LYN: variants seen among roughly 807,000 people sequenced by gnomAD.
LYN encodes LYN proto-oncogene, Src family tyrosine kinase.
Under a neutral mutation model 65.0 loss-of-function variants are expected in LYN, and 12 were observed. The observed-to-expected ratio is 0.18, with a 90% CI of 0.12 to 0.30. LYN has a LOEUF of 0.30. Ranked by LOEUF, LYN falls within the 10% of genes least tolerant of loss-of-function variation. The probability of loss-of-function intolerance (pLI) is 1.00; values close to 1 mark genes in which losing one functional copy is unlikely to be tolerated. For synonymous variants in LYN, 222 were observed against 221.2 expected (o/e 1.00, Z -0.03); for missense variants, 380 against 623.2 (o/e 0.61, Z 4.16).
chr8:56,008,857 T>C (rs1237779548), intron 12 of LYN, among the ~76,000 whole-genome samples: 2 of 152,342 alleles, frequency 1.3e-5, no homozygotes, highest in East Asian at 3.9e-4. Context: ...CACTTGAGAC[T>C]ATGATTGGGG....
At chr8:55,933,548 A>G (rs561303788) in intron 1 of LYN, among the ~76,000 whole-genome samples, 30 of 152,348 alleles carry the variant, frequency 2.0e-4, no homozygotes, top group Middle Eastern at 3.4e-3. Flanking sequence ...GTCAAGTTAA[A>G]GATTGTATCA....
chr8:55,923,288 A>G (rs868723509), intron 1 of LYN, among the ~76,000 whole-genome samples: 1 of 152,160 alleles, frequency 6.6e-6, no homozygotes, highest in Admixed American at 6.5e-5. Context: ...AATGTGAGAG[A>G]TAAAGCAGGT....
At chr8:55,975,023 G>T (rs148218082) in intron 10 of LYN, among the ~76,000 whole-genome samples, 23 of 152,062 alleles carry the variant, frequency 1.5e-4, no homozygotes, top group African/African-American at 5.6e-4. Flanking sequence ...ATTCCCAATC[G>T]CTCTTTCAAG....
In LYN at chr8:56,007,829, C is replaced by T. The variant is rs1016170979; in HGVS notation, c.1337-2079C>T. ...CTGTTATAATTCATTTTAAAAAATA[C>T]TGGTAATTGGCTGGATGCAGTGGCT... On this transcript the variant is annotated intron_variant, in intron 12 of 12. Coordinates refer to ENST00000519728, the MANE Select transcript of LYN (RefSeq NM_002350.4). 2.0e-5 allele frequency among the ~76,000 whole-genome samples: 3 copies of T among 152,152 alleles called. No homozygotes were observed. The South Asian group carries it at 6.2e-4, about 32-fold the overall frequency.
chr8:55,906,026 T>G (rs1805408539), intron 1 of LYN, among the ~76,000 whole-genome samples: 1 of 152,228 alleles, frequency 6.6e-6, no homozygotes, highest in South Asian at 2.1e-4. Context: ...GTGTTGTTGC[T>G]TTTCTTTCTT....
At position 55,999,618 on chromosome 8, in the gene LYN, T is replaced by C; in HGVS notation, c.1336+69T>C. 3.5e-6 allele frequency: 5 copies of C among 1,424,496 alleles called. No homozygotes were observed. The South Asian group carries it at 5.8e-5, about 17-fold the overall frequency. 88.2% of individuals were successfully genotyped at this position (1,424,496 alleles called of 1,614,324 possible). A position where few individuals can be genotyped will look rare whatever the true frequency, so the allele number is the denominator to read the frequency against. ...AAAAAGTCAGGTTGCATGAAGGCAT[T>C]AAAAAGTAATAATTACTTCATCTAC... On this transcript the variant is annotated intron_variant, in intron 12 of 12. Coordinates refer to ENST00000519728, the MANE Select transcript of LYN (RefSeq NM_002350.4).
intron 1 of LYN, among the ~76,000 whole-genome samples, chr8:55,911,602 AT>A (rs541036389): frequency 2.1e-3 from 318 of 151,998 alleles, no homozygotes; most frequent in African/African-American, 7.0e-3. Context: ...TTGGGGAAGT[AT>A]TTATACATAT....
chr8:56,007,409 A>G (rs1808702130), intron 12 of LYN, among the ~76,000 whole-genome samples: 1 of 152,246 alleles, frequency 6.6e-6, no homozygotes, highest in South Asian at 2.1e-4. Context: ...GCTTTAAGCA[A>G]TGAAAATCAA....
intron 1 of LYN, among the ~76,000 whole-genome samples, chr8:55,889,046 C>T (rs1402856617): frequency 6.6e-6 from 1 of 152,110 alleles, no homozygotes; most frequent in Non-Finnish European, 1.5e-5. Context: ...GAGATGGGGT[C>T]TCACTCTGTC....
intron 10 of LYN, among the ~76,000 whole-genome samples, chr8:55,983,044 C>T (rs773754577): frequency 6.6e-6 from 1 of 152,020 alleles, no homozygotes; most frequent in African/African-American, 2.4e-5. Flanking sequence ...TATGGAAGTC[C>T]GACCCTTCAC....
intron 1 of LYN, among the ~76,000 whole-genome samples, chr8:55,941,213 T>G (rs995723256): frequency 2.6e-5 from 4 of 152,114 alleles, no homozygotes; most frequent in African/African-American, 4.8e-5. Flanking sequence ...ATTGGATGTG[T>G]CATTTGTCTT....
chr8:55,946,314 G>GCTC (rs1185890182), intron 2 of LYN, 134 bp from the exon 3 acceptor site: 1 of 703,198 alleles, frequency 1.4e-6, no homozygotes, highest in Non-Finnish European at 2.6e-6. Context: ...TTCCCTCTGT[G>GCTC]CTCCTGTTCT....
chr8:55,892,777 A>G (rs564020089), intron 1 of LYN, among the ~76,000 whole-genome samples: 21 of 152,334 alleles, frequency 1.4e-4, no homozygotes, highest in African/African-American at 4.3e-4. Flanking sequence ...AGTTTTCCCA[A>G]TGCAGGAGTG....
At chr8:55,967,616 T>C (rs1270515321) in intron 9 of LYN, among the ~76,000 whole-genome samples, 3 of 152,180 alleles carry the variant, frequency 2.0e-5, no homozygotes, top group African/African-American at 4.8e-5. Context: ...AGCCTCTATT[T>C]GTTCTTTAGC....
At chr8:55,896,708 A>G (rs777243458) in intron 1 of LYN, among the ~76,000 whole-genome samples, 1 of 152,162 alleles carries the variant, frequency 6.6e-6, no homozygotes, top group Non-Finnish European at 1.5e-5. Flanking sequence ...TAATTTAGTA[A>G]GAGAGGCATT....
At chr8:55,937,604 A>G (rs1227100465) in intron 1 of LYN, among the ~76,000 whole-genome samples, 2 of 152,228 alleles carry the variant, frequency 1.3e-5, no homozygotes, top group Non-Finnish European at 2.9e-5. Context: ...GCAAGATTGC[A>G]TCTTTGTTGA....
chr8:56,009,743 T>C (rs1286763822), intron 12 of LYN, among the ~76,000 whole-genome samples, 165 bp from the exon 13 acceptor site: 2 of 152,164 alleles, frequency 1.3e-5, no homozygotes, highest in Non-Finnish European at 2.9e-5. Context: ...GACTTCAACC[T>C]AGGAATTTTG....
At chr8:55,936,986 C>T (rs1198570183) in intron 1 of LYN, among the ~76,000 whole-genome samples, 1 of 152,150 alleles carries the variant, frequency 6.6e-6, no homozygotes, top group Non-Finnish European at 1.5e-5. Context: ...CCCCCCACGT[C>T]TTTTGTCTCT....
At position 56,014,020 on chromosome 8, in the gene LYN, TTATCTC is replaced by T. The variant is rs1409342534; in HGVS notation, c.*3913_*3918del. 1 of 152,202 alleles carries T rather than the reference TTATCTC, an allele frequency of 6.6e-6. No individual in the cohort carries two copies. Among genetic ancestry groups the T allele is most frequent in the Non-Finnish European group, 1.5e-5 (1 of 68,042 alleles). The allele number at this position is 152,202 out of a possible 1,614,324, so 9.4% of individuals were successfully genotyped here. A position where few individuals can be genotyped will look rare whatever the true frequency, so the allele number is the denominator to read the frequency against. On this transcript the variant is annotated 3_prime_UTR_variant, in exon 13 of 13. Transcript: ENST00000519728. ...CTTGTGCTTTGGCAAATGATAAAAA[TTATCTC>T]TAACTCACACAACGACCCTGGAAGA...
Sources: gnomAD v4.1 joint callset for allele counts (sites outside exome capture counted in the v4.1 genomes callset) on GRCh38, gnomAD v4.1.1 for gene constraint, MANE v1.5 for transcripts, NCBI Gene and HGNC (gene_info 2026-07-23, HGNC 2026-07-21) for gene names.